PCDH7: variants seen among roughly 807,000 people sequenced by gnomAD.
The protein encoded by PCDH7 is protocadherin 7, also known as protocadherin-7.
A neutral mutation model predicts 58.9 loss-of-function variants in PCDH7; 17 were observed. The ratio of observed to expected loss-of-function variants is 0.29; its 90% CI spans 0.20 to 0.43. The LOEUF is 0.43. Among genes scored for constraint, PCDH7 ranks in the 20% least tolerant of loss-of-function variants. The pLI is 1.00. For missense variants in PCDH7, 1,274 were observed against 1,441.0 expected (o/e 0.88, Z 1.88); for synonymous variants, 664 against 616.4 (o/e 1.08, Z -1.14).
intron 3 of PCDH7, among the ~76,000 whole-genome samples, chr4:31,000,520 T>G (rs890233996): frequency 6.6e-6 from 1 of 152,088 alleles, no homozygotes; most frequent in African/African-American, 2.4e-5. Context: ...TCCTTAGTAT[T>G]TAGCTAGCAT....
intron 3 of PCDH7, among the ~76,000 whole-genome samples, chr4:31,100,148 C>T (rs1289647647): frequency 6.6e-6 from 1 of 152,076 alleles, no homozygotes; most frequent in Non-Finnish European, 1.5e-5. Flanking sequence ...GCTCCAATTT[C>T]TTTAGCTCAA....
At chr4:30,935,028 C>A (rs1032480605) in intron 2 of PCDH7, among the ~76,000 whole-genome samples, 1 of 151,876 alleles carries the variant, frequency 6.6e-6, no homozygotes, top group African/African-American at 2.4e-5. Flanking sequence ...ATAAAAGATG[C>A]TAAAGTATTA....
At chr4:30,881,893 A>AGCAAG (rs1250642314) in intron 1 of PCDH7, among the ~76,000 whole-genome samples, 2 of 152,134 alleles carry the variant, frequency 1.3e-5, no homozygotes, top group African/African-American at 4.8e-5. Context: ...TATTTATTTT[A>AGCAAG]GCAAAGCTGA....
intron 3 of PCDH7, among the ~76,000 whole-genome samples, chr4:31,038,320 T>C (rs1755577796): frequency 6.6e-6 from 1 of 150,396 alleles, no homozygotes; most frequent in Non-Finnish European, 1.5e-5. Flanking sequence ...CATGTTAAAA[T>C]TGTATTATAA....
downstream of PCDH7, among the ~76,000 whole-genome samples, chr4:30,735,128 G>C (rs749923660): frequency 2.0e-4 from 31 of 152,224 alleles, no homozygotes; most frequent in Non-Finnish European, 4.4e-4. Flanking sequence ...GACATTTTGA[G>C]GGGGTATGAA....
chr4:30,853,890 G>A (rs1487874220), intron 1 of PCDH7, among the ~76,000 whole-genome samples: 4 of 151,940 alleles, frequency 2.6e-5, no homozygotes, highest in Non-Finnish European at 2.9e-5. Context: ...GAGCTCCTAA[G>A]AGACTAGCCT....
intron 3 of PCDH7, among the ~76,000 whole-genome samples, chr4:31,081,837 A>C (rs1489540719): frequency 6.7e-6 from 1 of 148,568 alleles, no homozygotes; most frequent in African/African-American, 2.5e-5. Context: ...CAGTGGCACT[A>C]TCTTGGCTCA....
Position 30,909,731 on chromosome 4 carries a change from G to A in PCDH7, c.71-10422G>A, listed in dbSNP as rs373939833. ...CTCATGGGTAGGATGAATCAATATCGTGAACATGGCCATACTGACCAAAGT... is the reference window on the plus strand; with the variant it reads ...CTCATGGGTAGGATGAATCAATATCATGAACATGGCCATACTGACCAAAGT... On this transcript the variant is annotated intron_variant, in intron 1 of 3. Coordinates refer to the PCDH7 transcript ENST00000509759. 7.2e-5 allele frequency among the ~76,000 whole-genome samples: 11 copies of A among 152,214 alleles called. 1 individual carries two copies. Among genetic ancestry groups the A allele is most frequent in the South Asian group, 6.2e-4 (3 of 4,816 alleles).
At chr4:30,916,152 C>T (rs535893362) in intron 1 of PCDH7, among the ~76,000 whole-genome samples, 1 of 152,304 alleles carries the variant, frequency 6.6e-6, no homozygotes, top group South Asian at 2.1e-4. Context: ...GAATTAATGA[C>T]TCAATCCAAT....
chr4:30,845,703 C>A (rs1399335496), intron 1 of PCDH7, among the ~76,000 whole-genome samples: 3 of 152,042 alleles, frequency 2.0e-5, no homozygotes, highest in Non-Finnish European at 4.4e-5. Context: ...GGACTCAAGC[C>A]ATCCTCACTC....
At chr4:30,887,835 C>A (rs1738027907) in intron 1 of PCDH7, among the ~76,000 whole-genome samples, 1 of 151,386 alleles carries the variant, frequency 6.6e-6, no homozygotes, top group Non-Finnish European at 1.5e-5. Flanking sequence ...AACAATGAGC[C>A]AAGTATGGTC....
intron 1 of PCDH7, among the ~76,000 whole-genome samples, chr4:30,766,362 T>TA (rs896546783): frequency 2.0e-5 from 3 of 152,086 alleles, no homozygotes; most frequent in African/African-American, 7.2e-5. Context: ...AGGCTCCATC[T>TA]AAAAAAATTT....
intron 3 of PCDH7, among the ~76,000 whole-genome samples, chr4:31,015,659 A>G (rs998154100): frequency 6.6e-6 from 1 of 152,182 alleles, no homozygotes; most frequent in Non-Finnish European, 1.5e-5. Context: ...TCTGCATTAT[A>G]TCATTTAACA....
rs556227916 is a variant in PCDH7 at position 31,121,395 on chromosome 4, G to A, written c.*8-21078G>A. ...TCCTTAACTGTAGAGATACAAATTAGAAGAGTTTCATCTGTAAATGTTTGC... is the reference window on the plus strand; with the variant it reads ...TCCTTAACTGTAGAGATACAAATTAAAAGAGTTTCATCTGTAAATGTTTGC... On this transcript the variant is annotated intron_variant, in intron 3 of 3. Transcript: ENST00000509759. Among the ~76,000 whole-genome samples, 15 of 152,314 alleles carry A rather than the reference G, an allele frequency of 9.8e-5. No individual in the cohort carries two copies. The East Asian group carries it at 2.9e-3, about 29-fold the overall frequency.
chr4:31,008,151 A>G (rs1752924358), intron 3 of PCDH7, among the ~76,000 whole-genome samples: 1 of 152,124 alleles, frequency 6.6e-6, no homozygotes, highest in African/African-American at 2.4e-5. Flanking sequence ...GAAAAGGTGC[A>G]TTAGTCAAAT....
In PCDH7 at chr4:30,721,246, C is replaced by T; in HGVS notation, c.-177C>T. 4 of 580,102 alleles carry T rather than the reference C, an allele frequency of 6.9e-6. No individual in the cohort carries two copies. The highest frequency in any genetic ancestry group is 1.2e-5 in the Non-Finnish European group (4 of 335,722). 35.9% of individuals were successfully genotyped at this position (580,102 alleles called of 1,614,324 possible). On this transcript the variant is annotated 5_prime_UTR_variant, in exon 1 of 2. Coordinates refer to ENST00000361762, the Ensembl canonical transcript of PCDH7. The surrounding 1 kb of genome is among the most constrained non-coding windows in gnomAD (Gnocchi z 6.7). ...AGAAGCATCTATCGCTGCCCTCCCA[C>T]CCCCATTCCCGGCCAACTCTCCACG...
rs1553932367 is a variant in PCDH7, at chr4:31,056,458, GAAGAAAGAAAGAAAGAAAGA to G, written c.*8-85975_*8-85956del. 2.8e-4 allele frequency among the ~76,000 whole-genome samples: 23 copies of G among 83,220 alleles called. No individual in the cohort carries two copies. The East Asian group carries it at 3.9e-3, about 14-fold the overall frequency. The allele number at this position is 83,220 out of a possible 152,430, so 54.6% of individuals were successfully genotyped here. Reference sequence around the variant, plus strand: ...AGAAAGAAGGAAAGAAAGAAAGAAAGAAGAAAGAAAGAAAGAAAGAAAGAAAGAAAGAAAGAAAGAAAGAA... The same window carrying G: ...AGAAAGAAGGAAAGAAAGAAAGAAAGAAGAAAGAAAGAAAGAAAGAAAGAA... On this transcript the variant is annotated intron_variant, in intron 3 of 3. Coordinates refer to the PCDH7 transcript ENST00000509759.
At chr4:30,792,267 A>G (rs1322400111) in intron 1 of PCDH7, among the ~76,000 whole-genome samples, 1 of 152,194 alleles carries the variant, frequency 6.6e-6, no homozygotes, top group East Asian at 1.9e-4. Flanking sequence ...ATATTAATTA[A>G]TAATCGTGAC....
At chr4:30,818,841 T>A (rs1728010343) in intron 1 of PCDH7, among the ~76,000 whole-genome samples, 1 of 152,180 alleles carries the variant, frequency 6.6e-6, no homozygotes, top group Non-Finnish European at 1.5e-5. Flanking sequence ...TCCAATGGAC[T>A]ACTGGCAGGG....
Sources: gnomAD v4.1 joint callset for allele counts (sites outside exome capture counted in the v4.1 genomes callset) on GRCh38, gnomAD v4.1.1 for gene constraint, Gnocchi (gnomAD v3.1) non-coding constraint, MANE v1.5 for transcripts, NCBI Gene and HGNC (gene_info 2026-07-23, HGNC 2026-07-21) for gene names.